LAMA1: variants seen among roughly 807,000 people sequenced by gnomAD.
The protein encoded by LAMA1 is laminin subunit alpha 1, also known as laminin subunit alpha-1.
In LAMA1, 219 loss-of-function variants were observed where a neutral mutation model predicts 348.7. That is an observed-to-expected ratio of 0.63 (90% CI 0.56 to 0.70). The LOEUF (loss-of-function observed/expected upper bound fraction) is 0.70, where lower values mean the gene tolerates loss of function less well. Among genes scored for constraint, LAMA1 ranks in the 30% least tolerant of loss-of-function variants. The pLI, the probability that LAMA1 is intolerant of heterozygous loss-of-function variation, is 0.00. For missense variants in LAMA1, 3,744 were observed against 3,888.0 expected, an observed-to-expected ratio of 0.96 and a Z score of 0.99; for synonymous variants, 1,487 against 1,491.0, an observed-to-expected ratio of 1.00 and a Z score of 0.06.
chr18:7,069,373 A>T (rs1598304686), intron 3 of LAMA1, among the ~76,000 whole-genome samples: 1 of 152,332 alleles, frequency 6.6e-6, no homozygotes, highest in African/African-American at 2.4e-5. Context: ...CGGCCCCTAC[A>T]AGATAAGATA....
chr18:7,086,067 G>A (rs1245633406), intron 1 of LAMA1, among the ~76,000 whole-genome samples: 4 of 152,124 alleles, frequency 2.6e-5, no homozygotes, highest in Admixed American at 2.0e-4. Context: ...CAGAAAAAGC[G>A]GCTGAGAATG....
chr18:7,034,677 G>A lies in LAMA1; in HGVS notation c.1853C>T (p.Thr618Ile). Residue 618 changes from threonine (T) to isoleucine (I), a missense_variant, in exon 14 of 63, where the codon ACT (threonine) becomes ATT (isoleucine). Physicochemically the swap from Thr to Ile is moderately conservative, Grantham distance 89. Coordinates refer to ENST00000389658, the MANE Select transcript of LAMA1 (RefSeq NM_005559.4). ...CAGACCCTCAGCCTGTGTGCTTAAA[G>A]TGAGTCCGTTTCCCTAACATTTAAA... The part of the protein sequence containing the change: ...ADVIIKGNGL[T>I]LSTQAEGLSL... The A allele has an allele frequency of 1.2e-6, 2 of 1,613,668 alleles. No individual in the cohort carries two copies. Among genetic ancestry groups the A allele is most frequent in the African/African-American group, 1.3e-5 (1 of 75,044 alleles).
Position 7,057,592 on chromosome 18 carries a change from A to G in LAMA1, c.346-6656T>C, listed in dbSNP as rs1011927271. 5.4e-5 allele frequency among the ~76,000 whole-genome samples: 8 copies of G among 147,758 alleles called. No homozygotes were observed. The Middle Eastern group carries it at 0.011, about 199-fold the overall frequency. On this transcript the variant is annotated intron_variant, in intron 3 of 62. Coordinates refer to ENST00000389658, the MANE Select transcript of LAMA1 (RefSeq NM_005559.4). Reference sequence around the variant, plus strand: ...TGGGCTCAAGAGATTCTCCTACCTCAGCCTCCCAAATCTCTGGAACCACAG... The same window carrying G: ...TGGGCTCAAGAGATTCTCCTACCTCGGCCTCCCAAATCTCTGGAACCACAG...
At chr18:7,099,230 G>A (rs372473411) in intron 1 of LAMA1, among the ~76,000 whole-genome samples, 6 of 150,436 alleles carry the variant, frequency 4.0e-5, no homozygotes, top group Admixed American at 6.6e-5. Context: ...GATTAAGGGC[G>A]GTGCAAGATG....
At chr18:7,008,782 T>G (rs1307634576) in intron 27 of LAMA1, among the ~76,000 whole-genome samples, 174 bp from the exon 28 acceptor site, 2 of 152,206 alleles carry the variant, frequency 1.3e-5, no homozygotes, top group East Asian at 3.9e-4. Flanking sequence ...CTAACTGTCA[T>G]GACACACTTT....
chr18:7,049,263 G>A lies in LAMA1; in HGVS notation c.589-6C>T, dbSNP rs1246064397. Reference sequence around the variant, plus strand: ...TTGATGAGTGATGTATGAATCTGAAGATGAAGGCATCAAAATAGATGAATG... The same window carrying A: ...TTGATGAGTGATGTATGAATCTGAAAATGAAGGCATCAAAATAGATGAATG... On this transcript the variant is annotated splice_region_variant and splice_polypyrimidine_tract_variant and intron_variant, in intron 4 of 62. Coordinates refer to ENST00000389658, the MANE Select transcript of LAMA1 (RefSeq NM_005559.4). 1.9e-6 allele frequency: 3 copies of A among 1,611,690 alleles called. No homozygotes were observed. Among genetic ancestry groups the A allele is most frequent in the Non-Finnish European group, 2.5e-6 (3 of 1,177,954 alleles).
intron 53 of LAMA1, chr18:6,960,774 T>C (rs1040359943): frequency 9.2e-5 from 14 of 152,052 alleles, no homozygotes; most frequent in Admixed American, 5.2e-4. Flanking sequence ...TCTGCAAACT[T>C]GTGTTCCAGT....
intron 51 of LAMA1, among the ~76,000 whole-genome samples, chr18:6,963,200 CT>C (rs1401793625): frequency 6.6e-6 from 1 of 152,178 alleles, no homozygotes; most frequent in Non-Finnish European, 1.5e-5. Context: ...ACCTAAGTCC[CT>C]TCTACTGAGA....
chr18:7,100,655 T>C (rs965795875), intron 1 of LAMA1, among the ~76,000 whole-genome samples: 1 of 152,184 alleles, frequency 6.6e-6, no homozygotes, highest in Non-Finnish European at 1.5e-5. Context: ...TAGAACATTA[T>C]TGACATATGC....
At chr18:7,035,851 CA>C in intron 13 of LAMA1, 135 bp downstream of exon 13, 1 of 723,700 alleles carries the variant, frequency 1.4e-6, no homozygotes, top group South Asian at 1.5e-5. Flanking sequence ...AGTCCCCACG[CA>C]AGTCCAGGGT....
intron 57 of LAMA1, chr18:6,953,914 T>A (rs996497453): frequency 1.3e-5 from 2 of 152,574 alleles, no homozygotes; most frequent in African/African-American, 4.8e-5. Context: ...GGGTGGGCTT[T>A]GCTAGGAACA....
chr18:6,971,276 T>C (rs1600359574), intron 48 of LAMA1, among the ~76,000 whole-genome samples: 2 of 152,198 alleles, frequency 1.3e-5, no homozygotes, highest in Non-Finnish European at 2.9e-5. Context: ...TTTATATCAA[T>C]ATATGCAGAA....
chr18:7,023,020 G>T, intron 19 of LAMA1, 144 bp downstream of exon 19: 3 of 868,036 alleles, frequency 3.5e-6, no homozygotes, highest in Non-Finnish European at 5.4e-6. Context: ...GTCTGTATTT[G>T]ATCAGAGACC....
At chr18:7,004,155 AT>A (rs1385462247) in intron 29 of LAMA1, among the ~76,000 whole-genome samples, 2 of 152,174 alleles carry the variant, frequency 1.3e-5, no homozygotes, top group Non-Finnish European at 2.9e-5. Context: ...GGACCCCCTA[AT>A]GAGAACCAAA....
At chr18:6,999,665 A>C (rs1388095245) in intron 31 of LAMA1, 27 bp from the exon 32 acceptor site, 2 of 1,573,504 alleles carry the variant, frequency 1.3e-6, no homozygotes, top group East Asian at 2.3e-5. Flanking sequence ...ACATAGGTGC[A>C]GACAGGATGG....
In LAMA1 at chr18:6,982,507, C is replaced by T. The variant is rs772188037; in HGVS notation, c.5880G>A (p.Arg1960=). 1.2e-6 allele frequency: 2 copies of T among 1,614,186 alleles called. No individual in the cohort carries two copies. Among genetic ancestry groups the T allele is most frequent in the Admixed American group, 1.7e-5 (1 of 60,022 alleles). The change falls in exon 41 of 63, where the codon AGG becomes AGA. Residue 1960 remains arginine, a synonymous_variant. Coordinates refer to ENST00000389658, the MANE Select transcript of LAMA1 (RefSeq NM_005559.4). The part of the protein sequence containing the change: ...RFLKEGNNLS[R]KLPGIALELS... Reference sequence around the variant, plus strand: ...GAGCCACATACTGACCTGGAAGCTTCCTGCTGAGGTTGTTGCCTTCTTTTA... The same window carrying T: ...GAGCCACATACTGACCTGGAAGCTTTCTGCTGAGGTTGTTGCCTTCTTTTA...
intron 44 of LAMA1, 130 bp from the exon 45 acceptor site, chr18:6,976,210 G>T: frequency 1.2e-6 from 1 of 848,978 alleles, no homozygotes; most frequent in Non-Finnish European, 2.0e-6. Context: ...ACATACAATG[G>T]TTCATGTTTC....
chr18:6,989,075 G>A (rs982790932), intron 36 of LAMA1, among the ~76,000 whole-genome samples: 6 of 152,116 alleles, frequency 3.9e-5, no homozygotes, highest in African/African-American at 1.4e-4. Context: ...TCTGGGAGTC[G>A]ACTTTTGCTA....
chr18:6,974,540 T>C (rs2057672840), intron 46 of LAMA1, among the ~76,000 whole-genome samples: 1 of 145,482 alleles, frequency 6.9e-6, no homozygotes, highest in South Asian at 2.3e-4. Context: ...CACTGCAACC[T>C]CCACCTCCTG....
Sources: allele counts gnomAD v4.1 joint callset (sites outside exome capture counted in the v4.1 genomes callset), GRCh38; gene constraint gnomAD v4.1.1; transcripts MANE v1.5; gene names NCBI Gene and HGNC (gene_info 2026-07-23, HGNC 2026-07-21).